Variants in TENM2 observed in about 807,000 individuals in gnomAD.
TENM2 encodes teneurin transmembrane protein 2.
A neutral mutation model predicts 245.2 loss-of-function variants in TENM2; 52 were observed. The ratio of observed to expected loss-of-function variants is 0.21; its 90% CI spans 0.17 to 0.27. The LOEUF (loss-of-function observed/expected upper bound fraction) is 0.27. TENM2 is among the 10% of genes least tolerant of loss of function. The pLI is 1.00. For synonymous variants in TENM2, 1,363 were observed against 1,438.9 expected (o/e 0.95, Z 1.19); for missense variants, 3,046 against 3,666.8 (o/e 0.83, Z 4.37).
intron 2 of TENM2, chr5:167,754,847 C>T (rs1762192501): frequency 8.0e-6 from 4 of 497,176 alleles, no homozygotes; most frequent in Admixed American, 8.5e-5. Flanking sequence ...AGGCGTCCTC[C>T]CCAACTAATT....
chr5:167,146,011 T>C, the TENM2 span, among the ~76,000 whole-genome samples: 1 of 152,100 alleles, frequency 6.6e-6, no homozygotes, highest in Admixed American at 6.6e-5. Context: ...GGGAGCTTCG[T>C]TTATCGGACT....
intron 12 of TENM2, among the ~76,000 whole-genome samples, chr5:168,133,807 C>T (rs997652179): frequency 6.6e-6 from 1 of 152,210 alleles, no homozygotes; most frequent in Non-Finnish European, 1.5e-5. Flanking sequence ...CCATCCACGT[C>T]TGCTTCACTT....
Position 168,008,130 on chromosome 5 carries a change from A to C in TENM2, c.1186+14948A>C, listed in dbSNP as rs1469595614. Reference sequence around the variant, plus strand: ...GGGAGAAACTCCCAAGGGCTGGAATAGTTGAGGATAACTGGATGGAGAAGG... The same window carrying C: ...GGGAGAAACTCCCAAGGGCTGGAATCGTTGAGGATAACTGGATGGAGAAGG... On this transcript the variant is annotated intron_variant, in intron 5 of 28. Transcript: ENST00000518659. 2.0e-5 allele frequency among the ~76,000 whole-genome samples: 3 copies of C among 152,232 alleles called. No individual in the cohort carries two copies. In the East Asian group the frequency reaches 5.8e-4, roughly 29 times the overall value.
intron 5 of TENM2, among the ~76,000 whole-genome samples, chr5:168,002,452 G>T (rs1210650284): frequency 6.6e-6 from 1 of 152,208 alleles, no homozygotes; most frequent in Non-Finnish European, 1.5e-5. Flanking sequence ...CACAGGGAAG[G>T]GTCAGTGGCA....
the TENM2 span, among the ~76,000 whole-genome samples, chr5:166,991,620 T>C: frequency 6.6e-6 from 1 of 152,136 alleles, no homozygotes; most frequent in African/African-American, 2.4e-5. Flanking sequence ...GACTGTTTCT[T>C]TTTCTTTAGT....
In TENM2 at chr5:168,125,061, A is replaced by G; in HGVS notation, c.2209+11A>G. The G allele has an allele frequency of 6.3e-7, 1 of 1,599,062 alleles. No homozygotes were observed. Among genetic ancestry groups the G allele is most frequent in the Non-Finnish European group, 8.5e-7 (1 of 1,173,220 alleles). ...CCGACTGCTCTGTTGGTAAGCCACA[A>G]GGTTTTCTCCTTCCTCTCTCCAACA... On this transcript the variant is annotated intron_variant, in intron 11 of 28. Transcript: ENST00000518659.
chr5:168,225,618 A>G (rs567861888), intron 23 of TENM2, among the ~76,000 whole-genome samples: 1 of 152,236 alleles, frequency 6.6e-6, no homozygotes, highest in South Asian at 2.1e-4. Flanking sequence ...AAAATTGGCC[A>G]GGCATCGTGG....
At chr5:167,615,441 G>T (rs998685718) in intron 2 of TENM2, among the ~76,000 whole-genome samples, 12 of 152,086 alleles carry the variant, frequency 7.9e-5, no homozygotes, top group African/African-American at 2.9e-4. Context: ...TTGAACCTGA[G>T]ATTGACACTC....
chr5:167,311,320 C>T (rs1446854419), intron 1 of TENM2, among the ~76,000 whole-genome samples: 1 of 152,096 alleles, frequency 6.6e-6, no homozygotes, highest in African/African-American at 2.4e-5. Context: ...ATTAAAATAG[C>T]CTATCATTTT....
intron 2 of TENM2, among the ~76,000 whole-genome samples, chr5:167,508,192 G>A (rs954990979): frequency 6.6e-6 from 1 of 152,082 alleles, no homozygotes; most frequent in Non-Finnish European, 1.5e-5. Flanking sequence ...TTCACTTTAA[G>A]CATTTTCAGC....
In TENM2 at chr5:167,411,480, G is replaced by T. The variant is rs369127890; in HGVS notation, c.502+36007G>T. 1.8e-4 allele frequency among the ~76,000 whole-genome samples: 27 copies of T among 149,416 alleles called. 1 individual carries two copies. The highest frequency in any genetic ancestry group is 6.9e-4 in the African/African-American group (27 of 38,996). Reference sequence around the variant, plus strand: ...GTATCATTGTTAGAAGAGAGACCAAGAAGTTGGTCTAAATTATCAGTCTCC... The same window carrying T: ...GTATCATTGTTAGAAGAGAGACCAATAAGTTGGTCTAAATTATCAGTCTCC... On this transcript the variant is annotated intron_variant, in intron 2 of 28. Transcript: ENST00000518659.
At chr5:167,246,798 T>A in the TENM2 span, among the ~76,000 whole-genome samples, 6 of 151,386 alleles carry the variant, frequency 4.0e-5, no homozygotes, top group Non-Finnish European at 5.9e-5. Context: ...GAGGAGGAGG[T>A]GGAGGGCACT....
At chr5:168,207,569 C>T (rs1392383633) in intron 19 of TENM2, among the ~76,000 whole-genome samples, 1 of 152,198 alleles carries the variant, frequency 6.6e-6, no homozygotes, top group Non-Finnish European at 1.5e-5. Flanking sequence ...TTTTATTCTT[C>T]TTTTCTTCCC....
At chr5:167,758,062 C>CA in intron 2 of TENM2, among the ~76,000 whole-genome samples, 1 of 152,276 alleles carries the variant, frequency 6.6e-6, no homozygotes, top group African/African-American at 2.4e-5. Flanking sequence ...CCAGAGTTTG[C>CA]ACTGTGGGGT....
In TENM2 at chr5:167,583,220, G is replaced by A. The variant is rs910596980; in HGVS notation, c.502+207747G>A. Among the ~76,000 whole-genome samples, 19 of 151,732 alleles carry A rather than the reference G, an allele frequency of 1.3e-4. No individual in the cohort carries two copies. In the South Asian group the frequency reaches 1.9e-3, roughly 15 times the overall value. On this transcript the variant is annotated intron_variant, in intron 2 of 28. Coordinates refer to ENST00000518659, the Ensembl canonical transcript of TENM2. ...AATGATTATCTTTTAAGTGGAGATCGCATGCCTTGGCTTAGAACTTAATAT... is the reference window on the plus strand; with the variant it reads ...AATGATTATCTTTTAAGTGGAGATCACATGCCTTGGCTTAGAACTTAATAT...
chr5:168,066,008 A>G (rs1790471815), intron 7 of TENM2, among the ~76,000 whole-genome samples: 1 of 152,164 alleles, frequency 6.6e-6, no homozygotes, highest in Admixed American at 6.5e-5. Context: ...TACCTAGTGG[A>G]TAGAGGCCAA....
At chr5:168,245,009 C>T (rs971071763) in intron 26 of TENM2, among the ~76,000 whole-genome samples, 5 of 151,976 alleles carry the variant, frequency 3.3e-5, no homozygotes, top group African/African-American at 9.7e-5. Context: ...CTCAGGTGAT[C>T]GCCCACCTCA....
chr5:167,296,088 AG>A, intron 1 of TENM2: 1 of 152,336 alleles, frequency 6.6e-6, no homozygotes, highest in African/African-American at 2.4e-5. Context: ...AGGGGGGAAA[AG>A]AAAAAAAACA....
At chr5:167,493,318 A>G (rs558748289) in intron 2 of TENM2, among the ~76,000 whole-genome samples, 1 of 152,232 alleles carries the variant, frequency 6.6e-6, no homozygotes, top group African/African-American at 2.4e-5. Flanking sequence ...CTTTATTGGC[A>G]CAATGAGAAA....
Sources: allele counts gnomAD v4.1 joint callset (sites outside exome capture counted in the v4.1 genomes callset), GRCh38; gene constraint gnomAD v4.1.1; transcripts MANE v1.5; gene names NCBI Gene and HGNC (gene_info 2026-07-23, HGNC 2026-07-21).